MYO3B: variants seen among roughly 807,000 people sequenced by gnomAD.
MYO3B encodes the protein myosin-IIIb.
A neutral mutation model predicts 174.6 loss-of-function variants in MYO3B; 156 were observed. The ratio of observed to expected loss-of-function variants is 0.89; its 90% CI spans 0.78 to 1.02. The LOEUF is 1.02. MYO3B is among the 50% of genes least tolerant of loss of function. The pLI is 0.00. For missense variants in MYO3B, 1,632 were observed against 1,639.4 expected, an observed-to-expected ratio of 1.00 and a Z score of 0.08; for synonymous variants, 563 against 569.1, an observed-to-expected ratio of 0.99 and a Z score of 0.15.
chr2:170,621,425 T>G (rs1695905062), intron 32 of MYO3B, among the ~76,000 whole-genome samples: 1 of 152,168 alleles, frequency 6.6e-6, no homozygotes, highest in Non-Finnish European at 1.5e-5. Context: ...CCTTCCCACC[T>G]TTCACACATA....
At chr2:170,456,261 G>A (rs1344943) in intron 23 of MYO3B, among the ~76,000 whole-genome samples, 146,341 of 152,286 alleles carry the variant, frequency 0.96, 70,460 homozygotes, top group East Asian at 1. Flanking sequence ...AAAACAAACA[G>A]TGGTTTGGGA....
At chr2:170,401,737 C>T (rs762826108) in intron 18 of MYO3B, 46 bp downstream of exon 18, 1 of 1,553,360 alleles carries the variant, frequency 6.4e-7, no homozygotes, top group Non-Finnish European at 8.8e-7. Context: ...CTGTCATTGA[C>T]CCCGCCGTCT....
At position 170,306,183 on chromosome 2, in the gene MYO3B, G is replaced by T. The variant is rs149187024; in HGVS notation, c.750-29202G>T. Among the ~76,000 whole-genome samples, 470 of 152,216 alleles carry T rather than the reference G, an allele frequency of 3.1e-3. 7 individuals carry two copies. In the East Asian group the frequency reaches 0.036, roughly 12 times the overall value. ...AGTTGGACTTACATATCTGTTCAAGGCTCCAAGAGTAGGCATTCAAAGACA... is the reference window on the plus strand; with the variant it reads ...AGTTGGACTTACATATCTGTTCAAGTCTCCAAGAGTAGGCATTCAAAGACA... On this transcript the variant is annotated intron_variant, in intron 7 of 34. Transcript: ENST00000408978.
intron 28 of MYO3B, among the ~76,000 whole-genome samples, chr2:170,511,364 C>G (rs1687978442): frequency 6.6e-6 from 1 of 151,986 alleles, no homozygotes; most frequent in African/African-American, 2.4e-5. Flanking sequence ...CCGCGCCCAG[C>G]CTTAGAGCAT....
chr2:170,346,822 C>G (rs1558910087), intron 8 of MYO3B, among the ~76,000 whole-genome samples: 1 of 152,210 alleles, frequency 6.6e-6, no homozygotes, highest in Non-Finnish European at 1.5e-5. Flanking sequence ...CATCCCAGCA[C>G]TGATCAACTG....
At chr2:170,511,256 CG>C (rs1167901177) in intron 28 of MYO3B, among the ~76,000 whole-genome samples, 2 of 151,108 alleles carry the variant, frequency 1.3e-5, no homozygotes, top group Non-Finnish European at 2.9e-5. Flanking sequence ...TTAGTAGAGA[CG>C]GGGTTTCACC....
chr2:170,509,244 G>A (rs972558045), intron 28 of MYO3B, among the ~76,000 whole-genome samples: 1 of 152,108 alleles, frequency 6.6e-6, no homozygotes, highest in Non-Finnish European at 1.5e-5. Flanking sequence ...GTAATCCCAG[G>A]TACTTGGGAG....
intron 22 of MYO3B, among the ~76,000 whole-genome samples, chr2:170,412,783 A>C (rs2094554002): frequency 6.6e-6 from 1 of 152,240 alleles, no homozygotes; most frequent in African/African-American, 2.4e-5. Context: ...AGATGAGCTG[A>C]ATCTAATTGA....
At chr2:170,184,902 A>G (rs1018178886) in intron 1 of MYO3B, among the ~76,000 whole-genome samples, 20 of 152,180 alleles carry the variant, frequency 1.3e-4, no homozygotes, top group African/African-American at 4.8e-4. Context: ...GTGAGATGAT[A>G]TCTGATTGTA....
chr2:170,643,140 C>G (rs571114943), intron 32 of MYO3B, among the ~76,000 whole-genome samples: 23 of 152,282 alleles, frequency 1.5e-4, no homozygotes, highest in African/African-American at 4.3e-4. Context: ...CTTCAAAAAC[C>G]TGAATTCTCA....
intron 7 of MYO3B, among the ~76,000 whole-genome samples, chr2:170,302,830 C>T (rs1310182768): frequency 1.3e-5 from 2 of 152,170 alleles, no homozygotes; most frequent in Non-Finnish European, 2.9e-5. Flanking sequence ...GAGGTATTGC[C>T]TATGAGGCAA....
intron 7 of MYO3B, among the ~76,000 whole-genome samples, chr2:170,288,934 A>T (rs1019747586): frequency 5.9e-5 from 9 of 152,032 alleles, no homozygotes; most frequent in African/African-American, 2.2e-4. Flanking sequence ...GTTGAATTTT[A>T]TCAAATGTTT....
chr2:170,208,774 T>G lies in MYO3B; in HGVS notation c.322-5605T>G, dbSNP rs140248413. On this transcript the variant is annotated intron_variant, in intron 3 of 34. Coordinates refer to ENST00000408978, the MANE Select transcript of MYO3B (RefSeq NM_138995.5). ...GACTGAGTTGCTGGCAAAATAGACT[T>G]TAGTCTTACACTTGACCTGATTATT... Among the ~76,000 whole-genome samples the G allele has an allele frequency of 7.4e-3, 1,134 of 152,310 alleles. 10 individuals are homozygous for G. The highest frequency in any genetic ancestry group is 0.025 in the African/African-American group (1,057 of 41,566).
chr2:170,647,005 C>T, intron 32 of MYO3B: 1 of 966,172 alleles, frequency 1.0e-6, no homozygotes, highest in Non-Finnish European at 1.5e-6. Context: ...TTGTTACTGT[C>T]CATCATATGG....
intron 28 of MYO3B, among the ~76,000 whole-genome samples, chr2:170,513,861 C>T (rs977275273): frequency 2.0e-5 from 3 of 151,998 alleles, no homozygotes; most frequent in African/African-American, 7.3e-5. Context: ...AGGAGTCAAC[C>T]AGAAGGAGGG....
chr2:170,259,181 G>A (rs750105472), intron 7 of MYO3B, among the ~76,000 whole-genome samples: 2 of 151,970 alleles, frequency 1.3e-5, no homozygotes, highest in African/African-American at 2.4e-5. Flanking sequence ...TGAAACTACC[G>A]ATGTCATTTT....
At chr2:170,189,480 C>T (rs777565104) in intron 1 of MYO3B, among the ~76,000 whole-genome samples, 2 of 151,936 alleles carry the variant, frequency 1.3e-5, no homozygotes, top group Non-Finnish European at 2.9e-5. Flanking sequence ...TTTGAGGCTA[C>T]TTTCTAGATC....
intron 8 of MYO3B, among the ~76,000 whole-genome samples, chr2:170,352,969 G>T (rs1036578549): frequency 1.2e-4 from 19 of 152,174 alleles, no homozygotes; most frequent in African/African-American, 4.1e-4. Context: ...GAATGCAAAT[G>T]GTATAGCCAC....
intron 29 of MYO3B, among the ~76,000 whole-genome samples, chr2:170,516,567 C>T (rs1423758579): frequency 1.3e-5 from 2 of 150,942 alleles, no homozygotes; most frequent in East Asian, 3.9e-4. Flanking sequence ...GGTGTGAACC[C>T]GTGAGGCAGA....
Sources: allele counts gnomAD v4.1 joint callset (sites outside exome capture counted in the v4.1 genomes callset), GRCh38; gene constraint gnomAD v4.1.1; transcripts MANE v1.5; gene names NCBI Gene and HGNC (gene_info 2026-07-23, HGNC 2026-07-21).